The following ANKRD36C variants were observed in gnomAD, a reference collection of about 807,000 sequenced individuals.
The protein encoded by ANKRD36C is ankyrin repeat domain-containing protein 36C.
In ANKRD36C, 61 loss-of-function variants were observed where a neutral mutation model predicts 276.4. The observed-to-expected ratio is 0.22, with a 90% CI of 0.18 to 0.27. ANKRD36C has a LOEUF of 0.27. Ranked by LOEUF, ANKRD36C falls within the 10% of genes least tolerant of loss-of-function variation. ANKRD36C has a pLI of 1.00. For missense variants in ANKRD36C, 1,447 were observed against 2,032.3 expected, an observed-to-expected ratio of 0.71 and a Z score of 5.54; for synonymous variants, 483 against 680.1, an observed-to-expected ratio of 0.71 and a Z score of 4.51.
intron 6 of ANKRD36C, among the ~76,000 whole-genome samples, chr2:95,974,299 G>A (rs1307462043): frequency 1.3e-5 from 2 of 152,086 alleles, no homozygotes; most frequent in African/African-American, 4.8e-5. Flanking sequence ...TCTTAAAGGA[G>A]CAGCATCACT....
At chr2:95,954,335 A>C (rs1202763893) in intron 13 of ANKRD36C, among the ~76,000 whole-genome samples, 1 of 151,918 alleles carries the variant, frequency 6.6e-6, no homozygotes, top group East Asian at 1.9e-4. Context: ...TATCTACCAT[A>C]AAGGCTAAAC....
At chr2:95,912,988 C>T (rs1401565866) in intron 40 of ANKRD36C, among the ~76,000 whole-genome samples, 5 of 150,900 alleles carry the variant, frequency 3.3e-5, no homozygotes, top group African/African-American at 9.7e-5. Context: ...TTGCTGATAC[C>T]TAGTAGATAA....
intron 5 of ANKRD36C, among the ~76,000 whole-genome samples, chr2:95,978,829 T>G (rs1315027735): frequency 6.6e-6 from 1 of 152,056 alleles, no homozygotes; most frequent in African/African-American, 2.4e-5. Context: ...TATGAATACA[T>G]TATTTCATTA....
chr2:95,977,544 G>C (rs931493417), intron 6 of ANKRD36C, among the ~76,000 whole-genome samples: 1 of 151,966 alleles, frequency 6.6e-6, no homozygotes, highest in African/African-American at 2.4e-5. Context: ...CCTTACACTA[G>C]ATTGATAGTA....
At chr2:95,978,150 A>T in exon 6 of ANKRD36C, 1 of 1,285,702 alleles carries the variant, frequency 7.8e-7, no homozygotes, top group South Asian at 1.4e-5. Context: ...AAAGCTCTTC[A>T]TGTTTCTTTC....
chr2:95,968,989 C>T (rs1028739793), intron 6 of ANKRD36C, among the ~76,000 whole-genome samples: 1 of 152,218 alleles, frequency 6.6e-6, no homozygotes, highest in Non-Finnish European at 1.5e-5. Flanking sequence ...CCTCTGGGAA[C>T]ATCCATGTAT....
chr2:95,862,802 G>C (rs1227618006), intron 60 of ANKRD36C, among the ~76,000 whole-genome samples: 1 of 152,060 alleles, frequency 6.6e-6, no homozygotes, highest in East Asian at 1.9e-4. Flanking sequence ...TAATGAATGG[G>C]ATTAGTACTT....
Position 95,956,774 on chromosome 2 carries a change from G to C in ANKRD36C, c.1136+12C>G. The stretch of plus-strand genomic sequence containing the variant: ...GTTAACATATCACTTTAAAAAATCT[G>C]TGAAATCATACCTGTTTAAACACTG... On this transcript the variant is annotated intron_variant, in intron 13 of 66. Transcript: ENST00000456556. The C allele has an allele frequency of 6.5e-7, 1 of 1,532,934 alleles. No homozygotes were observed. Among genetic ancestry groups the C allele is most frequent in the Non-Finnish European group, 8.7e-7 (1 of 1,145,466 alleles). The allele number at this position is 1,532,934 out of a possible 1,614,324, so 95.0% of individuals were successfully genotyped here. A position where few individuals can be genotyped will look rare whatever the true frequency, so the allele number is the denominator to read the frequency against.
intron 6 of ANKRD36C, among the ~76,000 whole-genome samples, chr2:95,974,251 A>C (rs1221312205): frequency 6.6e-6 from 1 of 152,240 alleles, no homozygotes; most frequent in Non-Finnish European, 1.5e-5. Context: ...AAAATTTAAA[A>C]GACATTTAAA....
intron 40 of ANKRD36C, 120 bp from the exon 43 acceptor site, chr2:95,912,555 G>T: frequency 2.6e-6 from 4 of 1,553,444 alleles, no homozygotes; most frequent in Non-Finnish European, 3.5e-6. Context: ...GGCTTTGATG[G>T]CTTCTATTTT....
intron 6 of ANKRD36C, among the ~76,000 whole-genome samples, chr2:95,965,457 T>C (rs1678568779): frequency 6.6e-6 from 1 of 152,146 alleles, no homozygotes; most frequent in African/African-American, 2.4e-5. Context: ...TGTCATTCTC[T>C]GAAAAGCACA....
chr2:95,959,799 CAAT>C (rs1678413725), intron 10 of ANKRD36C, among the ~76,000 whole-genome samples: 1 of 152,114 alleles, frequency 6.6e-6, no homozygotes, highest in African/African-American at 2.4e-5. Context: ...CTCTGATGCC[CAAT>C]AATAACAAAG....
In ANKRD36C at chr2:95,919,207, A is replaced by T. The variant is rs1257774497; in HGVS notation, c.2246-1165T>A. ...GTGAGTTCACTCAGATTTCCTCAGC[A>T]GAAACCCCTAAATTATATAAATAAC... On this transcript the variant is annotated intron_variant, in intron 34 of 66. Transcript: ENST00000456556. Among the ~76,000 whole-genome samples, 2 of 134,338 alleles carry T rather than the reference A, an allele frequency of 1.5e-5. 1 individual carries two copies. The highest frequency in any genetic ancestry group is 3.3e-5 in the Non-Finnish European group (2 of 59,766). 88.1% of individuals were successfully genotyped at this position (134,338 alleles called of 152,430 possible).
At chr2:95,910,847 A>G (rs4907222) in intron 42 of ANKRD36C, among the ~76,000 whole-genome samples, 41,506 of 151,216 alleles carry the variant, frequency 0.27, 6,627 homozygotes, top group East Asian at 0.47. Context: ...TGCATAGGCC[A>G]AGTGATGAGA....
chr2:95,854,616 A>G (rs1156556454), intron 63 of ANKRD36C, among the ~76,000 whole-genome samples: 4 of 152,168 alleles, frequency 2.6e-5, no homozygotes, highest in Non-Finnish European at 4.4e-5. Flanking sequence ...TGTCAGTGGG[A>G]AGATTAAATC....
intron 63 of ANKRD36C, among the ~76,000 whole-genome samples, chr2:95,854,608 T>C (rs2950720): frequency 0.41 from 55,739 of 137,128 alleles, 10,548 homozygotes; most frequent in East Asian, 0.68. Flanking sequence ...ATTATAAATG[T>C]CAGTGGGAAG....
chr2:95,947,354 TTA>T (rs1167339170), intron 17 of ANKRD36C, among the ~76,000 whole-genome samples: 2 of 152,170 alleles, frequency 1.3e-5, no homozygotes, highest in African/African-American at 4.8e-5. Flanking sequence ...CTCAGGCATA[TTA>T]TGTTACCTGT....
chr2:95,987,410 T>G (rs1259069378), intron 1 of ANKRD36C, among the ~76,000 whole-genome samples: 1 of 152,008 alleles, frequency 6.6e-6, no homozygotes, highest in Non-Finnish European at 1.5e-5. Flanking sequence ...TAAAATTTAC[T>G]GTAAGCTCTG....
chr2:95,859,688 T>C (rs935775514), intron 61 of ANKRD36C, among the ~76,000 whole-genome samples, 173 bp downstream of exon 81: 2 of 152,178 alleles, frequency 1.3e-5, no homozygotes, highest in Admixed American at 1.3e-4. Context: ...ATTAGAGAAG[T>C]ATCACAATTA....
Sources: gnomAD v4.1 joint callset for allele counts (sites outside exome capture counted in the v4.1 genomes callset) on GRCh38, gnomAD v4.1.1 for gene constraint, MANE v1.5 for transcripts, NCBI Gene and HGNC (gene_info 2026-07-23, HGNC 2026-07-21) for gene names.